The following DDAH1 variants were observed in gnomAD, a reference collection of about 807,000 sequenced individuals.
The protein encoded by DDAH1 is N(G),N(G)-dimethylarginine dimethylaminohydrolase 1.
A neutral mutation model predicts 28.8 loss-of-function variants in DDAH1; 19 were observed. That is an observed-to-expected ratio of 0.66 (90% CI 0.46 to 0.97). The LOEUF (loss-of-function observed/expected upper bound fraction) is 0.97, where lower values mean the gene tolerates loss of function less well. DDAH1 is among the 50% of genes least tolerant of loss of function. The pLI is 0.00. For synonymous variants in DDAH1, 153 were observed against 154.4 expected (o/e 0.99, Z 0.07); for missense variants, 326 against 375.9 (o/e 0.87, Z 1.10).
At chr1:85,521,226 C>T (rs1657673541) in intron 1 of DDAH1, among the ~76,000 whole-genome samples, 1 of 151,576 alleles carries the variant, frequency 6.6e-6, no homozygotes, top group Non-Finnish European at 1.5e-5. Context: ...ATGCAGACAG[C>T]CACAACCACT....
chr1:85,363,607 G>T (rs1238745792), intron 1 of DDAH1, among the ~76,000 whole-genome samples: 2 of 152,210 alleles, frequency 1.3e-5, no homozygotes, highest in African/African-American at 4.8e-5. Context: ...AGTGTGACAT[G>T]TAGATAATGC....
intron 1 of DDAH1, among the ~76,000 whole-genome samples, chr1:85,388,762 A>G (rs1651401881): frequency 6.6e-6 from 1 of 152,198 alleles, no homozygotes; most frequent in Admixed American, 6.5e-5. Flanking sequence ...GTCACAAAGG[A>G]GAAAGTGTCA....
At chr1:85,496,707 A>G (rs1233289777) in intron 1 of DDAH1, among the ~76,000 whole-genome samples, 4 of 152,356 alleles carry the variant, frequency 2.6e-5, no homozygotes, top group African/African-American at 9.6e-5. Context: ...TAATTGAATT[A>G]TATCTTGTAT....
chr1:85,353,180 G>A (rs1649314305), intron 2 of DDAH1, among the ~76,000 whole-genome samples: 1 of 152,044 alleles, frequency 6.6e-6, no homozygotes, highest in African/African-American at 2.4e-5. Flanking sequence ...CAAAACACTA[G>A]ATAAAAATGG....
At chr1:85,347,990 T>G (rs889288235) in intron 4 of DDAH1, among the ~76,000 whole-genome samples, 4 of 152,204 alleles carry the variant, frequency 2.6e-5, no homozygotes, top group Non-Finnish European at 4.4e-5. Flanking sequence ...GCTAGAAACA[T>G]GGCAGGTGGG....
At chr1:85,409,573 G>A (rs913636297) in intron 1 of DDAH1, among the ~76,000 whole-genome samples, 5 of 151,944 alleles carry the variant, frequency 3.3e-5, no homozygotes, top group South Asian at 2.1e-4. Flanking sequence ...TGCCTAAAAC[G>A]TTGTTTACCT....
chr1:85,357,853 G>A (rs567124759), intron 2 of DDAH1, among the ~76,000 whole-genome samples: 9 of 152,310 alleles, frequency 5.9e-5, no homozygotes, highest in African/African-American at 2.2e-4. Context: ...AGTTGAAAAG[G>A]TTAAATGCTA....
chr1:85,519,916 G>A (rs1210170287), intron 1 of DDAH1, among the ~76,000 whole-genome samples: 8 of 152,018 alleles, frequency 5.3e-5, no homozygotes. Flanking sequence ...CGGCATGGGG[G>A]AAGACTACAA....
chr1:85,499,124 G>A (rs1365628418), intron 1 of DDAH1, among the ~76,000 whole-genome samples: 1 of 127,306 alleles, frequency 7.9e-6, no homozygotes, highest in Non-Finnish European at 1.6e-5. Flanking sequence ...AAAAAAACAA[G>A]AACTAATGCT....
chr1:85,479,562 TTCA>T (rs915114009), intron 2 of DDAH1, among the ~76,000 whole-genome samples: 49 of 152,366 alleles, frequency 3.2e-4, no homozygotes, highest in African/African-American at 1.1e-3. Flanking sequence ...AATCGGGGTT[TTCA>T]CCACTAATTG....
chr1:85,363,789 C>T (rs976280955), intron 1 of DDAH1, among the ~76,000 whole-genome samples: 1 of 152,170 alleles, frequency 6.6e-6, no homozygotes, highest in Non-Finnish European at 1.5e-5. Context: ...GTCACTGTGG[C>T]CACTTGCTAG....
intron 1 of DDAH1, among the ~76,000 whole-genome samples, chr1:85,525,752 C>T (rs1429238644): frequency 1.3e-5 from 2 of 152,080 alleles, no homozygotes; most frequent in Non-Finnish European, 2.9e-5. Flanking sequence ...AGGGGTCTAT[C>T]CCTGCAAGAG....
intron 1 of DDAH1, among the ~76,000 whole-genome samples, chr1:85,573,113 G>A (rs1659506595): frequency 6.6e-6 from 1 of 152,204 alleles, no homozygotes; most frequent in Non-Finnish European, 1.5e-5. Context: ...CAGGCATCAG[G>A]CTGAGCAGTA....
intron 1 of DDAH1, chr1:85,376,847 A>G (rs1490105056): frequency 6.6e-6 from 1 of 152,026 alleles, no homozygotes; most frequent in African/African-American, 2.4e-5. Flanking sequence ...TAAGTGTTAA[A>G]GCAACAATAA....
intron 5 of DDAH1, among the ~76,000 whole-genome samples, chr1:85,321,913 A>T (rs1444375483): frequency 6.6e-6 from 1 of 151,938 alleles, no homozygotes; most frequent in Non-Finnish European, 1.5e-5. Context: ...CTTTATTTTT[A>T]TTTATTTATA....
Position 85,464,655 on chromosome 1 carries a change from A to G in DDAH1, c.303+88T>C, listed in dbSNP as rs1655269937. ...TTGTGAACTACTAGCCCGAGGGCCA[A>G]TGGCGCGACTCCCCAGGCAACACGG... On this transcript the variant is annotated intron_variant, in intron 1 of 5. Coordinates refer to ENST00000284031, the MANE Select transcript of DDAH1 (RefSeq NM_012137.4). The surrounding 1 kb of genome is among the most constrained non-coding windows in gnomAD (Gnocchi z 4.4). 1.4e-6 allele frequency: 2 copies of G among 1,467,758 alleles called. No individual in the cohort carries two copies. Among genetic ancestry groups the G allele is most frequent in the Non-Finnish European group, 9.0e-7 (1 of 1,111,620 alleles). 90.9% of individuals were successfully genotyped at this position (1,467,758 alleles called of 1,614,324 possible).
At chr1:85,399,235 C>T (rs1651958557) in intron 1 of DDAH1, 1 of 152,160 alleles carries the variant, frequency 6.6e-6, no homozygotes, top group Non-Finnish European at 1.5e-5. Context: ...CTCTGGTACA[C>T]TATATCCTCT....
chr1:85,374,968 T>C (rs1053900835), intron 1 of DDAH1, among the ~76,000 whole-genome samples: 4 of 152,144 alleles, frequency 2.6e-5, no homozygotes, highest in Non-Finnish European at 4.4e-5. Context: ...CAGACTTTTA[T>C]GGTGGTAATA....
chr1:85,497,226 T>C (rs567919030), intron 1 of DDAH1, among the ~76,000 whole-genome samples: 2 of 152,224 alleles, frequency 1.3e-5, no homozygotes, highest in East Asian at 1.9e-4. Context: ...ATAAAAGGTG[T>C]CATACAGCTC....
Sources: allele counts gnomAD v4.1 joint callset (sites outside exome capture counted in the v4.1 genomes callset), GRCh38; gene constraint gnomAD v4.1.1; non-coding constraint Gnocchi (gnomAD v3.1); transcripts MANE v1.5; gene names NCBI Gene and HGNC (gene_info 2026-07-23, HGNC 2026-07-21).